SIK2: variants seen among roughly 807,000 people sequenced by gnomAD.
The protein encoded by SIK2 is serine/threonine-protein kinase SIK2.
A neutral mutation model predicts 103.2 loss-of-function variants in SIK2; 29 were observed. That is an observed-to-expected ratio of 0.28 (90% CI 0.21 to 0.38). The LOEUF (loss-of-function observed/expected upper bound fraction) is 0.38. SIK2 is among the 10% of genes least tolerant of loss of function. SIK2 has a pLI of 1.00. For missense variants in SIK2, 879 were observed against 1,171.0 expected, an observed-to-expected ratio of 0.75 and a Z score of 3.64; for synonymous variants, 412 against 446.1, an observed-to-expected ratio of 0.92 and a Z score of 0.96.
intron 3 of SIK2, among the ~76,000 whole-genome samples, chr11:111,664,818 T>C (rs963890510): frequency 2.0e-5 from 3 of 152,048 alleles, no homozygotes; most frequent in Admixed American, 2.0e-4. Flanking sequence ...ATGGGTTTAG[T>C]TGGAACAGCG....
intron 3 of SIK2, among the ~76,000 whole-genome samples, chr11:111,637,250 T>C (rs1301234271): frequency 6.6e-6 from 1 of 152,066 alleles, no homozygotes; most frequent in African/African-American, 2.4e-5. Context: ...GAGTTTATTT[T>C]GTTCCCTAGT....
At chr11:111,694,408 G>A (rs1943022886) in intron 4 of SIK2, among the ~76,000 whole-genome samples, 1 of 151,954 alleles carries the variant, frequency 6.6e-6, no homozygotes, top group African/African-American at 2.4e-5. Flanking sequence ...TGTACATCAC[G>A]AGTCACTTGT....
chr11:111,614,749 CTG>C (rs1327635305), intron 1 of SIK2, among the ~76,000 whole-genome samples: 2 of 152,152 alleles, frequency 1.3e-5, no homozygotes, highest in Admixed American at 6.5e-5. Flanking sequence ...GAACAGGAGA[CTG>C]TGGGAATTAT....
At chr11:111,691,908 T>C (rs1388807045) in intron 4 of SIK2, among the ~76,000 whole-genome samples, 1 of 152,162 alleles carries the variant, frequency 6.6e-6, no homozygotes, top group Non-Finnish European at 1.5e-5. Flanking sequence ...ACCTTTAAGT[T>C]AATATAACAC....
In SIK2 at chr11:111,688,232, C is replaced by T; in HGVS notation, c.478+70C>T. The T allele has an allele frequency of 1.3e-6, 2 of 1,506,050 alleles. No individual in the cohort carries two copies. Among genetic ancestry groups the T allele is most frequent in the Non-Finnish European group, 1.8e-6 (2 of 1,089,282 alleles). The allele number at this position is 1,506,050 out of a possible 1,614,324, so 93.3% of individuals were successfully genotyped here. ...CTGCACTCAGTGTGTGGAAACAGAC[C>T]TGCAGGCGCAGATTCAGCAGCATTT... On this transcript the variant is annotated intron_variant, in intron 4 of 14. Transcript: ENST00000304987. The surrounding 1 kb of genome is among the most constrained non-coding windows in gnomAD (Gnocchi z 4.2).
At chr11:111,709,284 G>C (rs1158581381) in intron 8 of SIK2, among the ~76,000 whole-genome samples, 1 of 152,142 alleles carries the variant, frequency 6.6e-6, no homozygotes, top group Non-Finnish European at 1.5e-5. Flanking sequence ...TGTGGGATCA[G>C]GGCCCCAACC....
intron 3 of SIK2, among the ~76,000 whole-genome samples, chr11:111,674,610 A>G (rs1565347287): frequency 1.3e-5 from 2 of 152,272 alleles, no homozygotes; most frequent in Non-Finnish European, 2.9e-5. Context: ...ATAATAGTTA[A>G]GGAACATAAA....
chr11:111,613,271 A>G (rs1305946707), intron 1 of SIK2, among the ~76,000 whole-genome samples: 2 of 152,064 alleles, frequency 1.3e-5, no homozygotes, highest in African/African-American at 4.8e-5. Context: ...TTGTCTCATG[A>G]TAGGAATCAT....
chr11:111,702,374 C>T (rs1274054163), intron 6 of SIK2, among the ~76,000 whole-genome samples: 1 of 152,110 alleles, frequency 6.6e-6, no homozygotes, highest in Non-Finnish European at 1.5e-5. Flanking sequence ...CTCTTAAGGC[C>T]AGGAGTTGGA....
chr11:111,612,535 C>T (rs1259777723), intron 1 of SIK2, among the ~76,000 whole-genome samples: 2 of 152,122 alleles, frequency 1.3e-5, no homozygotes, highest in African/African-American at 4.8e-5. Context: ...TGGTCATATG[C>T]GGAGTTCTAA....
At chr11:111,676,443 TAAC>T (rs1942704587) in intron 3 of SIK2, among the ~76,000 whole-genome samples, 1 of 152,222 alleles carries the variant, frequency 6.6e-6, no homozygotes, top group South Asian at 2.1e-4. Flanking sequence ...GACTTTCTAA[TAAC>T]AACCACTCTG....
At chr11:111,723,229 CCTCTCATTGTAT>C (rs1479357434) in intron 14 of SIK2, among the ~76,000 whole-genome samples, 1 of 152,154 alleles carries the variant, frequency 6.6e-6, no homozygotes, top group Non-Finnish European at 1.5e-5. Context: ...GGGAAATCAT[CCTCTCATTGTAT>C]AAAGGAAAAA....
intron 9 of SIK2, among the ~76,000 whole-genome samples, chr11:111,717,433 TCAA>T (rs914584520): frequency 6.1e-5 from 9 of 146,554 alleles, no homozygotes; most frequent in Middle Eastern, 3.4e-3. Context: ...TATTAAAAAG[TCAA>T]CAACAACAGA....
chr11:111,705,572 G>C lies in SIK2; in HGVS notation c.1101+433G>C, dbSNP rs540554579. ...TCATTCAAAATAGGGAAAGATGAGA[G>C]CTGTAGCAGAGCAGGGACAGGGGAG... is the stretch of plus-strand genomic sequence containing the variant. On this transcript the variant is annotated intron_variant, in intron 8 of 14. Transcript: ENST00000304987. The surrounding 1 kb of genome is among the most constrained non-coding windows in gnomAD (Gnocchi z 4.3). Among the ~76,000 whole-genome samples the C allele has an allele frequency of 1.3e-5, 2 of 152,280 alleles. No homozygotes were observed. The highest frequency in any genetic ancestry group is 4.8e-5 in the African/African-American group (2 of 41,566).
chr11:111,716,190 T>C (rs1278240253), intron 9 of SIK2, among the ~76,000 whole-genome samples: 2 of 152,200 alleles, frequency 1.3e-5, no homozygotes, highest in Non-Finnish European at 2.9e-5. Flanking sequence ...ACTGTGAGGG[T>C]AGACCCTGAA....
intron 3 of SIK2, among the ~76,000 whole-genome samples, chr11:111,636,620 T>C (rs1942112019): frequency 6.6e-6 from 1 of 152,182 alleles, no homozygotes; most frequent in Non-Finnish European, 1.5e-5. Context: ...ATGTGTTCTT[T>C]TATCAAAGAT....
intron 3 of SIK2, among the ~76,000 whole-genome samples, chr11:111,634,774 C>T (rs555012260): frequency 6.6e-6 from 1 of 152,316 alleles, no homozygotes; most frequent in East Asian, 1.9e-4. Flanking sequence ...CCCCGTCTTC[C>T]TTTCCAATCA....
At position 111,726,158 on chromosome 11, in the gene SIK2, A is replaced by G. The variant is rs1216088517; in HGVS notation, c.*2029A>G. On this transcript the variant is annotated 3_prime_UTR_variant, in exon 15 of 15. Transcript: ENST00000304987. ...GACTGAAGGAAGACGTTTTCCCAAAATATACTACAGAAGTGCTACAATATT... is the reference window on the plus strand; with the variant it reads ...GACTGAAGGAAGACGTTTTCCCAAAGTATACTACAGAAGTGCTACAATATT... The G allele has an allele frequency of 2.6e-5, 4 of 152,216 alleles. No individual in the cohort carries two copies. The highest frequency in any genetic ancestry group is 5.9e-5 in the Non-Finnish European group (4 of 68,034). 9.4% of individuals were successfully genotyped at this position (152,216 alleles called of 1,614,324 possible). A position where few individuals can be genotyped will look rare whatever the true frequency, so the allele number is the denominator to read the frequency against.
intron 3 of SIK2, among the ~76,000 whole-genome samples, chr11:111,627,647 A>G (rs966207416): frequency 6.6e-6 from 1 of 152,202 alleles, no homozygotes; most frequent in African/African-American, 2.4e-5. Flanking sequence ...AAAAAAAACC[A>G]TAGATAAACA....
Sources: gnomAD v4.1 joint callset for allele counts (sites outside exome capture counted in the v4.1 genomes callset) on GRCh38, gnomAD v4.1.1 for gene constraint, Gnocchi (gnomAD v3.1) non-coding constraint, MANE v1.5 for transcripts, NCBI Gene and HGNC (gene_info 2026-07-23, HGNC 2026-07-21) for gene names.